The following SAMD4A variants were observed in gnomAD, a reference collection of about 807,000 sequenced individuals.
The protein encoded by SAMD4A is protein Smaug homolog 1.
Under a neutral mutation model 81.3 loss-of-function variants are expected in SAMD4A, and 33 were observed. That is an observed-to-expected ratio of 0.41 (90% CI 0.31 to 0.54). The LOEUF is 0.54. Ranked by LOEUF, SAMD4A falls within the 20% of genes least tolerant of loss-of-function variation. The pLI is 0.37. For missense variants in SAMD4A, 854 were observed against 951.1 expected, an observed-to-expected ratio of 0.90 and a Z score of 1.34; for synonymous variants, 389 against 382.1, an observed-to-expected ratio of 1.02 and a Z score of -0.21.
intron 2 of SAMD4A, among the ~76,000 whole-genome samples, chr14:54,666,103 A>G (rs1248610635): frequency 6.6e-6 from 1 of 152,202 alleles, no homozygotes; most frequent in African/African-American, 2.4e-5. Context: ...CAGGACTGAC[A>G]GGGTGTCACC....
intron 3 of SAMD4A, among the ~76,000 whole-genome samples, chr14:54,731,021 C>G (rs114090435): frequency 0.014 from 2,084 of 152,258 alleles, 44 homozygotes; most frequent in African/African-American, 0.045. Flanking sequence ...GCAGAACATT[C>G]TTTGAAAATT....
intron 2 of SAMD4A, among the ~76,000 whole-genome samples, chr14:54,695,250 A>G (rs1184728201): frequency 6.6e-6 from 1 of 152,240 alleles, no homozygotes; most frequent in Non-Finnish European, 1.5e-5. Flanking sequence ...AGGGTCAGCA[A>G]TTTAGAACAG....
chr14:54,618,138 G>C (rs2034533715), intron 2 of SAMD4A, among the ~76,000 whole-genome samples: 1 of 152,176 alleles, frequency 6.6e-6, no homozygotes, highest in Non-Finnish European at 1.5e-5. Flanking sequence ...ATGGCTTCTG[G>C]TGCAACTCAG....
At chr14:54,767,462 T>C (rs1196637255) in intron 8 of SAMD4A, among the ~76,000 whole-genome samples, 3 of 152,246 alleles carry the variant, frequency 2.0e-5, no homozygotes, top group African/African-American at 4.8e-5. Flanking sequence ...TCCTGAATTA[T>C]AATCCCAGGC....
At chr14:54,609,585 T>C (rs2034304138) in intron 2 of SAMD4A, among the ~76,000 whole-genome samples, 1 of 152,246 alleles carries the variant, frequency 6.6e-6, no homozygotes, top group African/African-American at 2.4e-5. Flanking sequence ...GGCATTCAGA[T>C]GCTTTAATGG....
intron 2 of SAMD4A, among the ~76,000 whole-genome samples, chr14:54,678,226 AG>A (rs1481388610): frequency 2.6e-5 from 4 of 152,208 alleles, no homozygotes; most frequent in Non-Finnish European, 5.9e-5. Context: ...AAGGGAGTTT[AG>A]CAAGGCCTGT....
intron 6 of SAMD4A, among the ~76,000 whole-genome samples, chr14:54,755,480 C>T (rs538307480): frequency 5.9e-5 from 9 of 152,154 alleles, no homozygotes; most frequent in East Asian, 3.9e-4. Context: ...TGAGGAGCAC[C>T]GTAAGATATG....
intron 2 of SAMD4A, among the ~76,000 whole-genome samples, chr14:54,590,673 G>C (rs1215296581): frequency 1.3e-5 from 2 of 152,060 alleles, no homozygotes; most frequent in Non-Finnish European, 2.9e-5. Flanking sequence ...TCCTTCTAGG[G>C]AGTGACATTG....
At chr14:54,774,894 A>G (rs776686386) in intron 9 of SAMD4A, 40 bp from the exon 10 acceptor site, 1 of 1,606,682 alleles carries the variant, frequency 6.2e-7, no homozygotes, top group South Asian at 1.1e-5. Flanking sequence ...AGGGCTGAAT[A>G]ACGACTGATA....
intron 2 of SAMD4A, among the ~76,000 whole-genome samples, chr14:54,695,867 C>T (rs958960317): frequency 2.5e-4 from 37 of 148,810 alleles, no homozygotes; most frequent in Non-Finnish European, 3.7e-4. Context: ...TCAGGAGAAT[C>T]GCTTGAACCC....
At chr14:54,592,074 C>T (rs2033792877) in intron 2 of SAMD4A, among the ~76,000 whole-genome samples, 1 of 152,108 alleles carries the variant, frequency 6.6e-6, no homozygotes, top group Non-Finnish European at 1.5e-5. Context: ...CATGTGCATC[C>T]CACCCATCCG....
chr14:54,724,048 G>GGAAGGAAGGAAT lies in SAMD4A; in HGVS notation c.716-12973_716-12972insGGAAGGAATGAA, dbSNP rs1193163741. 3.4e-3 allele frequency among the ~76,000 whole-genome samples: 519 copies of GGAAGGAAGGAAT among 151,016 alleles called. 3 individuals carry two copies. The highest frequency in any genetic ancestry group is 0.022 in the Admixed American group (333 of 15,162). ...AGGAAGGAAGGAAGGAAGGAAGGAA[G>GGAAGGAAGGAAT]GAATAATGCAGGACGCATCTATTCA... On this transcript the variant is annotated intron_variant, in intron 3 of 12. Transcript: ENST00000554335.
At chr14:54,628,790 G>C (rs2034826343) in intron 2 of SAMD4A, among the ~76,000 whole-genome samples, 1 of 152,214 alleles carries the variant, frequency 6.6e-6, no homozygotes, top group Non-Finnish European at 1.5e-5. Context: ...AAGTGGCTGA[G>C]CTGGGATTTG....
chr14:54,713,704 A>G (rs1352800126), intron 3 of SAMD4A, among the ~76,000 whole-genome samples: 2 of 152,212 alleles, frequency 1.3e-5, no homozygotes, highest in African/African-American at 2.4e-5. Flanking sequence ...AAGATTTATA[A>G]TGGATTACTT....
intron 2 of SAMD4A, among the ~76,000 whole-genome samples, chr14:54,649,779 G>C (rs1186493091): frequency 1.3e-5 from 2 of 152,170 alleles, no homozygotes; most frequent in Non-Finnish European, 2.9e-5. Context: ...TATTTTAGAA[G>C]GAGGAACTTT....
At chr14:54,685,735 A>G (rs1043115226) in intron 2 of SAMD4A, 1 of 456,612 alleles carries the variant, frequency 2.2e-6, no homozygotes, top group African/African-American at 2.0e-5. Context: ...AAGAACACTT[A>G]CAACCAGAAC....
intron 3 of SAMD4A, among the ~76,000 whole-genome samples, chr14:54,708,806 G>C (rs8009484): frequency 0.17 from 26,315 of 152,126 alleles, 2,556 homozygotes; most frequent in South Asian, 0.26. Flanking sequence ...GATAACAGAG[G>C]TAAAACTGAG....
At chr14:54,779,059 A>T (rs545413420) in intron 11 of SAMD4A, among the ~76,000 whole-genome samples, 2 of 151,738 alleles carry the variant, frequency 1.3e-5, no homozygotes, top group Non-Finnish European at 2.9e-5. Flanking sequence ...ACGAAGGCTC[A>T]TCCTAGAGTC....
At chr14:54,723,624 G>T (rs1219175210) in intron 3 of SAMD4A, among the ~76,000 whole-genome samples, 2 of 152,214 alleles carry the variant, frequency 1.3e-5, no homozygotes, top group East Asian at 3.8e-4. Context: ...TCACCTTCAT[G>T]GAAAGTGTTA....
Sources: allele counts gnomAD v4.1 joint callset (sites outside exome capture counted in the v4.1 genomes callset), GRCh38; gene constraint gnomAD v4.1.1; transcripts MANE v1.5; gene names NCBI Gene and HGNC (gene_info 2026-07-23, HGNC 2026-07-21).